The following HECW1 variants were observed in gnomAD, a reference collection of about 807,000 sequenced individuals.
HECW1 encodes HECT, C2 and WW domain containing E3 ubiquitin protein ligase 1.
Under a neutral mutation model 182.3 loss-of-function variants are expected in HECW1, and 61 were observed. The ratio of observed to expected loss-of-function variants is 0.33; its 90% CI spans 0.27 to 0.41. The LOEUF is 0.41. HECW1 is among the 10% of genes least tolerant of loss of function. The pLI is 1.00. For synonymous variants in HECW1, 859 were observed against 832.6 expected (o/e 1.03, Z -0.55); for missense variants, 1,739 against 2,108.9 (o/e 0.82, Z 3.44).
intron 2 of HECW1, among the ~76,000 whole-genome samples, chr7:43,207,432 A>G (rs909497170): frequency 6.6e-6 from 1 of 152,220 alleles, no homozygotes; most frequent in Non-Finnish European, 1.5e-5. Context: ...GGTAATTAGC[A>G]TATTTGCCAT....
At chr7:43,295,218 A>G (rs956571541) in intron 3 of HECW1, among the ~76,000 whole-genome samples, 5 of 152,122 alleles carry the variant, frequency 3.3e-5, no homozygotes, top group Non-Finnish European at 7.4e-5. Flanking sequence ...TTTGTCCACA[A>G]GGAATTTCCT....
At chr7:43,472,613 A>G (rs1440899999) in intron 16 of HECW1, among the ~76,000 whole-genome samples, 1 of 151,740 alleles carries the variant, frequency 6.6e-6, no homozygotes, top group Non-Finnish European at 1.5e-5. Flanking sequence ...TATTAATTAA[A>G]TATTAAAATT....
intron 5 of HECW1, among the ~76,000 whole-genome samples, chr7:43,347,562 T>G (rs2152804137): frequency 6.6e-6 from 1 of 152,252 alleles, no homozygotes; most frequent in South Asian, 2.1e-4. Flanking sequence ...AGTACCATGT[T>G]GAAGAGGAGT....
chr7:43,295,026 A>G (rs1344900853), intron 3 of HECW1, among the ~76,000 whole-genome samples: 2 of 152,208 alleles, frequency 1.3e-5, no homozygotes, highest in Admixed American at 6.5e-5. Context: ...TCACAGGCAG[A>G]TAAGAAAAAA....
At chr7:43,148,910 A>G (rs978596539) in intron 2 of HECW1, 2 of 152,046 alleles carry the variant, frequency 1.3e-5, no homozygotes, top group Admixed American at 6.5e-5. Context: ...CTGAAATCTC[A>G]GAAGACTCCA....
At chr7:43,249,577 C>T (rs765565247) in intron 3 of HECW1, 1 of 152,104 alleles carries the variant, frequency 6.6e-6, no homozygotes, top group Non-Finnish European at 1.5e-5. Flanking sequence ...AAAAGGAGAC[C>T]GGGAGAGGAA....
chr7:43,539,332 A>G (rs928442280), intron 24 of HECW1, among the ~76,000 whole-genome samples: 5 of 152,210 alleles, frequency 3.3e-5, no homozygotes, highest in African/African-American at 1.2e-4. Flanking sequence ...AATAGCAGAA[A>G]GGTTTACTGT....
At chr7:43,382,308 A>G (rs6944466) in intron 6 of HECW1, among the ~76,000 whole-genome samples, 90,227 of 151,594 alleles carry the variant, frequency 0.6, 27,207 homozygotes, top group African/African-American at 0.68. Context: ...AAAAAAAAAT[A>G]GAAGCCCCTT....
At position 43,555,202 on chromosome 7, in the gene HECW1, T is replaced by C. The variant is rs566203515; in HGVS notation, c.4709+412T>C. 2.0e-5 allele frequency among the ~76,000 whole-genome samples: 3 copies of C among 152,284 alleles called. No homozygotes were observed. In the East Asian group the frequency reaches 5.8e-4, roughly 29 times the overall value. On this transcript the variant is annotated intron_variant, in intron 29 of 29. Transcript: ENST00000395891. ...ATCACTTGATACTTCATAGGATCAT[T>C]ATATATTTGTGGTGTGTCGGATTTT...
chr7:43,498,114 T>TC (rs1486116265), intron 19 of HECW1, among the ~76,000 whole-genome samples: 1 of 152,036 alleles, frequency 6.6e-6, no homozygotes, highest in African/African-American at 2.4e-5. Context: ...CATCTGGAGG[T>TC]CCCTTACACC....
chr7:43,311,282 G>T (rs1255230601), intron 3 of HECW1, among the ~76,000 whole-genome samples: 1 of 152,174 alleles, frequency 6.6e-6, no homozygotes, highest in African/African-American at 2.4e-5. Flanking sequence ...ACCCAGCAGG[G>T]ACCACTCCTA....
intron 2 of HECW1, among the ~76,000 whole-genome samples, chr7:43,202,268 T>C (rs1329461418): frequency 6.6e-6 from 1 of 152,180 alleles, no homozygotes; most frequent in African/African-American, 2.4e-5. Flanking sequence ...GTTTTCTCAT[T>C]TGTTTTGGTC....
intron 6 of HECW1, among the ~76,000 whole-genome samples, chr7:43,373,249 G>A (rs1165112187): frequency 7.5e-6 from 1 of 133,866 alleles, no homozygotes; most frequent in Non-Finnish European, 1.5e-5. Context: ...TCCCTCTGTT[G>A]CTCAGGCTGG....
chr7:43,252,623 C>T (rs1034939786), intron 3 of HECW1, among the ~76,000 whole-genome samples: 6 of 152,240 alleles, frequency 3.9e-5, no homozygotes, highest in African/African-American at 1.4e-4. Context: ...CACCAATGTA[C>T]AGATGTCATT....
intron 2 of HECW1, among the ~76,000 whole-genome samples, chr7:43,183,824 GA>G (rs1339071290): frequency 6.6e-6 from 1 of 152,062 alleles, no homozygotes; most frequent in Non-Finnish European, 1.5e-5. Flanking sequence ...TTTTGCTAAG[GA>G]TAGAATTTTT....
At chr7:43,267,423 A>G (rs1801918202) in intron 3 of HECW1, among the ~76,000 whole-genome samples, 1 of 152,140 alleles carries the variant, frequency 6.6e-6, no homozygotes, top group African/African-American at 2.4e-5. Context: ...ATAATTATAC[A>G]TTAAAACTTA....
intron 2 of HECW1, among the ~76,000 whole-genome samples, chr7:43,137,961 G>T (rs572220959): frequency 8.0e-5 from 12 of 150,616 alleles, no homozygotes; most frequent in African/African-American, 2.0e-4. Flanking sequence ...TTAAGATTCC[G>T]GCCATTATAT....
At chr7:43,398,474 T>A (rs545778581) in intron 7 of HECW1, among the ~76,000 whole-genome samples, 80 of 152,248 alleles carry the variant, frequency 5.3e-4, no homozygotes, top group Middle Eastern at 3.4e-3. Context: ...AGGCCATGAA[T>A]GCCAGAGGTC....
At chr7:43,378,959 A>G (rs1208712001) in intron 6 of HECW1, among the ~76,000 whole-genome samples, 1 of 152,164 alleles carries the variant, frequency 6.6e-6, no homozygotes, top group Non-Finnish European at 1.5e-5. Flanking sequence ...TACCTTCCAG[A>G]CATAGAACAT....
Sources: allele counts gnomAD v4.1 joint callset (sites outside exome capture counted in the v4.1 genomes callset), GRCh38; gene constraint gnomAD v4.1.1; transcripts MANE v1.5; gene names NCBI Gene and HGNC (gene_info 2026-07-23, HGNC 2026-07-21).